The following C2CD5 variants were observed in gnomAD, a reference collection of about 807,000 sequenced individuals.
C2CD5 encodes the protein C2 calcium dependent domain containing 5.
A neutral mutation model predicts 130.3 loss-of-function variants in C2CD5; 109 were observed. That is an observed-to-expected ratio of 0.84 (90% CI 0.72 to 0.98). The LOEUF is 0.98. C2CD5 is among the 50% of genes least tolerant of loss of function. C2CD5 has a pLI of 0.00. For synonymous variants in C2CD5, 454 were observed against 429.2 expected, an observed-to-expected ratio of 1.06 and a Z score of -0.71; for missense variants, 996 against 1,261.8, an observed-to-expected ratio of 0.79 and a Z score of 3.19.
intron 22 of C2CD5, among the ~76,000 whole-genome samples, chr12:22,462,119 C>G (rs1424811992): frequency 2.0e-5 from 3 of 152,152 alleles, no homozygotes; most frequent in Non-Finnish European, 4.4e-5. Flanking sequence ...ACTGGGAGTT[C>G]CAGTTTAAAA....
rs558406453 is a variant in C2CD5 at position 22,521,058 on chromosome 12, C to G, written c.800+2368G>C. Among the ~76,000 whole-genome samples the G allele has an allele frequency of 6.6e-5, 10 of 152,156 alleles. No homozygotes were observed. In the East Asian group the frequency reaches 1.5e-3, roughly 23 times the overall value. ...TGTGGTATTTATAATATTAATATTC[C>G]TTTCCAGTCAGTCAATAACATAATC... On this transcript the variant is annotated intron_variant, in intron 7 of 26. Coordinates refer to ENST00000446597, the MANE Select transcript of C2CD5 (RefSeq NM_001286176.2).
intron 26 of C2CD5, among the ~76,000 whole-genome samples, chr12:22,452,239 G>C (rs911339978): frequency 7.2e-5 from 11 of 152,138 alleles, no homozygotes; most frequent in African/African-American, 2.4e-4. Flanking sequence ...AGATCTAATA[G>C]ATGCGTTCTT....
intron 5 of C2CD5, among the ~76,000 whole-genome samples, chr12:22,525,174 T>G (rs979432209): frequency 5.9e-5 from 9 of 152,172 alleles, no homozygotes; most frequent in Non-Finnish European, 2.9e-5. Context: ...TAAACATTGG[T>G]GCACTGAAGC....
chr12:22,474,919 A>G lies in C2CD5; in HGVS notation c.1903-28T>C, dbSNP rs756353149. The G allele has an allele frequency of 9.5e-6, 14 of 1,481,298 alleles. No individual in the cohort carries two copies. The South Asian group carries it at 1.7e-4, about 18-fold the overall frequency. The allele number at this position is 1,481,298 out of a possible 1,614,324, so 91.8% of individuals were successfully genotyped here. A position where few individuals can be genotyped will look rare whatever the true frequency, so the allele number is the denominator to read the frequency against. On this transcript the variant is annotated intron_variant, in intron 15 of 26. Transcript: ENST00000446597. Reference sequence around the variant, plus strand: ...AAAAGAAATATAATTGTTTTATATCATATGAGATTGTCTTTTCCAGTTTAA... The same window carrying G: ...AAAAGAAATATAATTGTTTTATATCGTATGAGATTGTCTTTTCCAGTTTAA...
Position 22,456,988 on chromosome 12 carries a change from TC to T in C2CD5, c.2859del (p.Thr954LeufsTer25). On this transcript the variant is annotated frameshift_variant, in exon 25 of 27. Coordinates refer to ENST00000446597, the MANE Select transcript of C2CD5 (RefSeq NM_001286176.2). LOFTEE classifies it high-confidence loss of function. ...AAAATTACCTCCCGAAGAGAAGTAG[TC>T]TCTCGAATAAAAAACATGTTAATTA... Reference protein sequence around the residue: ...LGIINMFFIRETTSLREEGGV... With the variant: ...LGIINMFFIRXTTSLREEGGV... 2 of 1,589,590 alleles carry T rather than the reference TC, an allele frequency of 1.3e-6. No homozygotes were observed. The highest frequency in any genetic ancestry group is 1.7e-6 in the Non-Finnish European group (2 of 1,165,916).
intron 2 of C2CD5, among the ~76,000 whole-genome samples, chr12:22,543,289 T>C (rs1424388127): frequency 2.0e-5 from 3 of 152,256 alleles, no homozygotes; most frequent in Non-Finnish European, 2.9e-5. Flanking sequence ...CGTAGGCCTT[T>C]ACTAATTTGC....
At chr12:22,524,738 TA>T in intron 5 of C2CD5, 111 bp from the exon 6 acceptor site, 1 of 655,796 alleles carries the variant, frequency 1.5e-6, no homozygotes, top group Non-Finnish European at 2.6e-6. Flanking sequence ...GAACATCTTT[TA>T]CTGTAATATT....
intron 12 of C2CD5, among the ~76,000 whole-genome samples, chr12:22,485,507 TTTTAA>T (rs1261280789): frequency 6.6e-6 from 1 of 152,072 alleles, no homozygotes; most frequent in African/African-American, 2.4e-5. Context: ...TGTAATAATT[TTTTAA>T]TTTAATGTAA....
rs375963055 is a variant in C2CD5, at chr12:22,463,000, C to G, written c.2534-3458G>C. Among the ~76,000 whole-genome samples the G allele has an allele frequency of 2.6e-5, 4 of 152,004 alleles. 1 individual carries two copies. Among genetic ancestry groups the G allele is most frequent in the African/African-American group, 9.6e-5 (4 of 41,468 alleles). ...TCAGGAGGCTGAGGCGGGAGGATCG[C>G]TTGAACCCAGGAGCTAAAGGCTGCA... is the stretch of plus-strand genomic sequence containing the variant. On this transcript the variant is annotated intron_variant, in intron 22 of 26. Coordinates refer to ENST00000446597, the MANE Select transcript of C2CD5 (RefSeq NM_001286176.2).
chr12:22,460,501 T>C (rs1012771571), intron 22 of C2CD5: 3 of 152,196 alleles, frequency 2.0e-5, no homozygotes, highest in Admixed American at 6.5e-5. Flanking sequence ...CAAAACATTA[T>C]TTGTACAGAA....
rs143732762 is a variant in C2CD5, at chr12:22,471,430, G to A, written c.2327C>T (p.Thr776Ile). 9 of 1,593,804 alleles carry A rather than the reference G, an allele frequency of 5.6e-6. No individual in the cohort carries two copies. The highest frequency in any genetic ancestry group is 1.1e-5 in the South Asian group (1 of 90,190). The change falls in exon 20 of 27, where the codon ACA becomes ATA. Residue 776 changes from threonine to isoleucine, a missense_variant. By Grantham distance (89) the Thr-to-Ile change is moderately conservative. This residue lies in a region of C2CD5 where 590 missense variants were observed against 631.4 expected (regional missense o/e 0.93). Coordinates refer to ENST00000446597, the MANE Select transcript of C2CD5 (RefSeq NM_001286176.2). ...TAATTCATCTTCAGGCAGAGATACTGTAAAATTTACATGGCAAAGGCAGCA... is the reference window on the plus strand; with the variant it reads ...TAATTCATCTTCAGGCAGAGATACTATAAAATTTACATGGCAAAGGCAGCA... ...IPCCLCHVNFTVSLPEDELIQ... is the reference protein window; with the variant it reads ...IPCCLCHVNFIVSLPEDELIQ...
intron 7 of C2CD5, among the ~76,000 whole-genome samples, chr12:22,521,719 C>G (rs1950285776): frequency 2.0e-5 from 3 of 152,092 alleles, no homozygotes; most frequent in African/African-American, 7.2e-5. Flanking sequence ...TTTCATTTGC[C>G]AATGTGTTTC....
At chr12:22,505,030 A>T (rs1375831957) in intron 10 of C2CD5, among the ~76,000 whole-genome samples, 5 of 152,190 alleles carry the variant, frequency 3.3e-5, no homozygotes. Context: ...CCAGTTTTAG[A>T]GTTAAATAAT....
intron 22 of C2CD5, among the ~76,000 whole-genome samples, chr12:22,463,148 A>G (rs538372493): frequency 1.3e-5 from 2 of 152,154 alleles, no homozygotes; most frequent in Non-Finnish European, 2.9e-5. Context: ...GCACTTTGGG[A>G]GGCCAAGGCA....
At chr12:22,510,978 T>C (rs1319692615) in intron 9 of C2CD5, among the ~76,000 whole-genome samples, 1 of 152,068 alleles carries the variant, frequency 6.6e-6, no homozygotes, top group Non-Finnish European at 1.5e-5. Context: ...ATTAATTAAT[T>C]AAATATCTAT....
intron 14 of C2CD5, among the ~76,000 whole-genome samples, chr12:22,482,190 C>T (rs781536741): frequency 6.6e-6 from 1 of 152,072 alleles, no homozygotes; most frequent in African/African-American, 2.4e-5. Flanking sequence ...TGCTGCTAAG[C>T]GTCCTACAAT....
intron 12 of C2CD5, among the ~76,000 whole-genome samples, chr12:22,487,060 T>C (rs1360458253): frequency 1.3e-5 from 2 of 152,146 alleles, no homozygotes; most frequent in Non-Finnish European, 2.9e-5. Context: ...TAATTTAAGA[T>C]GGATTAAAGA....
intron 22 of C2CD5, among the ~76,000 whole-genome samples, chr12:22,464,170 T>A (rs909421259): frequency 6.6e-6 from 1 of 152,206 alleles, no homozygotes; most frequent in Non-Finnish European, 1.5e-5. Context: ...TAGCTTCAAT[T>A]TGGACAGTTT....
chr12:22,520,738 G>A (rs867825571), intron 7 of C2CD5, among the ~76,000 whole-genome samples: 1 of 151,916 alleles, frequency 6.6e-6, no homozygotes, highest in East Asian at 1.9e-4. Flanking sequence ...TTTAAGTAAA[G>A]AAGCAATAAC....
Sources: gnomAD v4.1 joint callset for allele counts (sites outside exome capture counted in the v4.1 genomes callset) on GRCh38, gnomAD v4.1.1 for gene constraint, gnomAD v4.1.1 regional missense constraint, MANE v1.5 for transcripts, NCBI Gene and HGNC (gene_info 2026-07-23, HGNC 2026-07-21) for gene names.